Variants in CACNA2D4 observed in about 807,000 individuals in gnomAD.
The protein encoded by CACNA2D4 is calcium voltage-gated channel auxiliary subunit alpha2delta 4.
CACNA2D4 carries 157 observed loss-of-function variants against 163.8 expected under a neutral mutation model. The observed-to-expected ratio is 0.96, with a 90% CI of 0.84 to 1.09. The LOEUF is 1.09. CACNA2D4 is among the 50% of genes least tolerant of loss of function. The pLI, the probability that CACNA2D4 is intolerant of heterozygous loss-of-function variation, is 0.00. For synonymous variants in CACNA2D4, 598 were observed against 586.9 expected (o/e 1.02, Z -0.27); for missense variants, 1,410 against 1,479.9 (o/e 0.95, Z 0.78).
intron 26 of CACNA2D4, chr12:1,835,383 T>C (rs1429620191): frequency 1.3e-5 from 2 of 152,254 alleles, no homozygotes; most frequent in Admixed American, 6.6e-5. Flanking sequence ...CACACACCCA[T>C]TGCATCACCA....
At position 1,818,465 on chromosome 12, in the gene CACNA2D4, C is replaced by T. The variant is rs1350208620; in HGVS notation, c.2552-6742G>A. Reference sequence around the variant, plus strand: ...GTCTTGGGATCCTGTTGATCTGTGACCTTACTCCCAACCCTGTGCTCACTG... The same window carrying T: ...GTCTTGGGATCCTGTTGATCTGTGATCTTACTCCCAACCCTGTGCTCACTG... On this transcript the variant is annotated intron_variant, in intron 26 of 37. Coordinates refer to ENST00000382722, the MANE Select transcript of CACNA2D4 (RefSeq NM_172364.5). 2.6e-5 allele frequency among the ~76,000 whole-genome samples: 4 copies of T among 151,946 alleles called. No homozygotes were observed. The East Asian group carries it at 7.7e-4, about 29-fold the overall frequency.
chr12:1,856,304 C>A (rs537089104), intron 20 of CACNA2D4, 75 bp from the exon 21 acceptor site: 4 of 1,498,626 alleles, frequency 2.7e-6, no homozygotes, highest in Admixed American at 1.7e-5. Context: ...GTAGAAACAG[C>A]CACCCAGTGA....
At chr12:1,866,992 G>C (rs1387195140) in intron 18 of CACNA2D4, among the ~76,000 whole-genome samples, 1 of 152,106 alleles carries the variant, frequency 6.6e-6, no homozygotes, top group Non-Finnish European at 1.5e-5. Flanking sequence ...TCTTTCTACA[G>C]AAATTTGAGT....
At chr12:1,882,372 C>T (rs754554551) in intron 13 of CACNA2D4, among the ~76,000 whole-genome samples, 29 of 152,208 alleles carry the variant, frequency 1.9e-4, no homozygotes, top group Non-Finnish European at 3.8e-4. Flanking sequence ...GAAAGGTCTC[C>T]CTTCCCCAGA....
intron 26 of CACNA2D4, chr12:1,823,338 G>A (rs1864185597): frequency 6.6e-6 from 1 of 152,294 alleles, no homozygotes; most frequent in African/African-American, 2.4e-5. Flanking sequence ...TCCATCTGAG[G>A]AGAAATGGAA....
At chr12:1,816,615 C>G (rs1467327298) in intron 26 of CACNA2D4, among the ~76,000 whole-genome samples, 1 of 152,234 alleles carries the variant, frequency 6.6e-6, no homozygotes, top group African/African-American at 2.4e-5. Flanking sequence ...GGCAGACAAC[C>G]TAACAAAGAG....
chr12:1,907,916 G>T lies in CACNA2D4; in HGVS notation c.608C>A (p.Ser203Tyr), dbSNP rs1866704658. The stretch of plus-strand genomic sequence containing the variant: ...GGTGGGCAGCTGCACGCTGCTGATG[G>T]AGGTGTTCACCGGCAGGTTGCTGAA... ...AHFSNLPVNTSISSVQLPTNV... is the reference protein window; with the variant it reads ...AHFSNLPVNTYISSVQLPTNV... Residue 203 changes from serine (S) to tyrosine (Y), a missense_variant, in exon 5 of 38, where the codon TCC becomes TAC. Transcript: ENST00000382722. 7 of 1,614,074 alleles carry T rather than the reference G, an allele frequency of 4.3e-6. No individual in the cohort carries two copies. Among genetic ancestry groups the T allele is most frequent in the South Asian group, 1.1e-5 (1 of 91,088 alleles).
intron 34 of CACNA2D4, 47 bp from the exon 35 acceptor site, chr12:1,797,582 T>C (rs1474412511): frequency 7.0e-7 from 1 of 1,420,960 alleles, no homozygotes; most frequent in East Asian, 2.5e-5. Context: ...GCCTCTGGCC[T>C]GCGGTGACCT....
Position 1,907,889 on chromosome 12 carries a change from T to TTGG in CACNA2D4, c.632_634dup (p.Thr211dup), listed in dbSNP as rs764064821. 8.1e-6 allele frequency: 13 copies of TTGG among 1,613,838 alleles called. No homozygotes were observed. The highest frequency in any genetic ancestry group is 1.1e-5 in the Non-Finnish European group (13 of 1,179,838). On this transcript the variant is annotated inframe_insertion, in exon 5 of 38. Coordinates refer to ENST00000382722, the MANE Select transcript of CACNA2D4 (RefSeq NM_172364.5). ...GTGCCGGCTACCTTTGTTGTACACG[T>TTGG]TGGTGGGCAGCTGCACGCTGCTGAT... is the stretch of plus-strand genomic sequence containing the variant.
At chr12:1,838,437 C>T (rs1565703091) in intron 26 of CACNA2D4, among the ~76,000 whole-genome samples, 1 of 152,238 alleles carries the variant, frequency 6.6e-6, no homozygotes, top group Non-Finnish European at 1.5e-5. Flanking sequence ...CCTACCCCTC[C>T]TTCAGCTACA....
In CACNA2D4 at chr12:1,829,710, ACAG is replaced by A. The variant is rs1864531463; in HGVS notation, c.2551+11026_2551+11028del. On this transcript the variant is annotated intron_variant, in intron 26 of 37. Coordinates refer to ENST00000382722, the MANE Select transcript of CACNA2D4 (RefSeq NM_172364.5). This position sits in a 1 kb window ranked among gnomAD's most constrained non-coding sequence, Gnocchi z 4.2. ...GCCCATCGGCCCACCCCGACCTGGG[ACAG>A]CCAGGTCCCAGGTCCCATGTCAGGG... Among the ~76,000 whole-genome samples the A allele has an allele frequency of 6.9e-6, 1 of 145,260 alleles. No individual in the cohort carries two copies. The highest frequency in any genetic ancestry group is 6.9e-5 in the Admixed American group (1 of 14,590).
Position 1,797,490 on chromosome 12 carries a change from T to A in CACNA2D4, c.3041A>T (p.Glu1014Val). Residue 1014 changes from glutamate to valine, a missense_variant, in exon 35 of 38, where the codon GAG becomes GTG. Transcript: ENST00000382722. ...CGGCTGGTACACGAACACGGGGTAC[T>A]CCGTGTCGCAGGGCTGCAGCGGGTC... Reference protein sequence around the residue: ...KQDPLQPCDTEYPVFVYQPAI... With the variant: ...KQDPLQPCDTVYPVFVYQPAI... The A allele has an allele frequency of 6.3e-7, 1 of 1,585,532 alleles. No individual in the cohort carries two copies. Among genetic ancestry groups the A allele is most frequent in the Non-Finnish European group, 8.6e-7 (1 of 1,167,856 alleles).
At chr12:1,870,616 C>T (rs562425221) in intron 18 of CACNA2D4, among the ~76,000 whole-genome samples, 1 of 151,956 alleles carries the variant, frequency 6.6e-6, no homozygotes, top group Non-Finnish European at 1.5e-5. Flanking sequence ...AGTGCCTTTC[C>T]GTTTTTGTTT....
chr12:1,793,616 AG>A lies in CACNA2D4; in HGVS notation c.*38del. The A allele has an allele frequency of 6.4e-7, 1 of 1,574,720 alleles. No homozygotes were observed. Among genetic ancestry groups the A allele is most frequent in the Non-Finnish European group, 8.7e-7 (1 of 1,144,274 alleles). On this transcript the variant is annotated 3_prime_UTR_variant, in exon 38 of 38. Coordinates refer to ENST00000382722, the MANE Select transcript of CACNA2D4 (RefSeq NM_172364.5). Reference sequence around the variant, plus strand: ...GCTGACTTTTTGGGATGGCTCTGGAAGGATCACCTTGCCAAAACACAGGTCA... The same window carrying A: ...GCTGACTTTTTGGGATGGCTCTGGAAGATCACCTTGCCAAAACACAGGTCA...
intron 26 of CACNA2D4, among the ~76,000 whole-genome samples, chr12:1,819,886 A>T (rs1864023336): frequency 6.6e-6 from 1 of 152,166 alleles, no homozygotes; most frequent in Admixed American, 6.5e-5. Flanking sequence ...CAACTCTGGC[A>T]TTCTGCTTCC....
At chr12:1,857,869 G>T (rs1044903526) in intron 20 of CACNA2D4, among the ~76,000 whole-genome samples, 1 of 152,208 alleles carries the variant, frequency 6.6e-6, no homozygotes, top group African/African-American at 2.4e-5. Flanking sequence ...AAATTAAGAT[G>T]AGATCATTAG....
At chr12:1,910,808 A>T (rs1328217865) in intron 3 of CACNA2D4, among the ~76,000 whole-genome samples, 1 of 152,172 alleles carries the variant, frequency 6.6e-6, no homozygotes, top group African/African-American at 2.4e-5. Flanking sequence ...ATGCAAATCC[A>T]TAGAGAGAAA....
In CACNA2D4 at chr12:1,843,417, C is replaced by T. The variant is rs1180101652; in HGVS notation, c.2470+985G>A. ...GGGGAAGTTCTGAGTGACCCCAGCC[C>T]TGACTTTCCTTTTAGAAGTCTCCAC... On this transcript the variant is annotated intron_variant, in intron 25 of 37. Coordinates refer to ENST00000382722, the MANE Select transcript of CACNA2D4 (RefSeq NM_172364.5). This position sits in a 1 kb window ranked among gnomAD's most constrained non-coding sequence, Gnocchi z 4.6. 6.6e-6 allele frequency among the ~76,000 whole-genome samples: 1 copy of T among 152,238 alleles called. No individual in the cohort carries two copies. Among genetic ancestry groups the T allele is most frequent in the East Asian group, 1.9e-4 (1 of 5,198 alleles).
At chr12:1,837,508 GCGAGCTCAACGCCCGGCC>G (rs1457851766) in intron 26 of CACNA2D4, among the ~76,000 whole-genome samples, 10 of 152,082 alleles carry the variant, frequency 6.6e-5, no homozygotes, top group South Asian at 2.1e-4. Context: ...CCACTGAAGA[GCGAGCTCAACGCCCGGCC>G]CGAGAACCCC....
Sources: allele counts gnomAD v4.1 joint callset (sites outside exome capture counted in the v4.1 genomes callset), GRCh38; gene constraint gnomAD v4.1.1; non-coding constraint Gnocchi (gnomAD v3.1); transcripts MANE v1.5; gene names NCBI Gene and HGNC (gene_info 2026-07-23, HGNC 2026-07-21).